The following ADGRB3 variants were observed in gnomAD, a reference collection of about 807,000 sequenced individuals.
The protein encoded by ADGRB3 is adhesion G protein-coupled receptor B3, also known as brain-specific angiogenesis inhibitor 3.
In ADGRB3, 37 loss-of-function variants were observed where a neutral mutation model predicts 193.4. That is an observed-to-expected ratio of 0.19 (90% CI 0.15 to 0.25). ADGRB3 has a LOEUF of 0.25. Ranked by LOEUF, ADGRB3 falls within the 10% of genes least tolerant of loss-of-function variation. The pLI is 1.00. For synonymous variants in ADGRB3, 690 were observed against 644.2 expected (o/e 1.07, Z -1.08); for missense variants, 1,637 against 1,852.9 (o/e 0.88, Z 2.14).
chr6:69,049,752 A>G (rs1771340013), intron 15 of ADGRB3, among the ~76,000 whole-genome samples: 1 of 152,184 alleles, frequency 6.6e-6, no homozygotes, highest in African/African-American at 2.4e-5. Context: ...CTGGGAAAAC[A>G]TGGTATTGTT....
At chr6:68,663,684 A>G (rs773754503) in intron 3 of ADGRB3, among the ~76,000 whole-genome samples, 1 of 151,828 alleles carries the variant, frequency 6.6e-6, no homozygotes, top group African/African-American at 2.4e-5. Flanking sequence ...AGCTTTGAAT[A>G]GAAATAATTT....
At chr6:69,120,276 G>A (rs1773647390) in intron 17 of ADGRB3, among the ~76,000 whole-genome samples, 2 of 152,170 alleles carry the variant, frequency 1.3e-5, no homozygotes, top group African/African-American at 4.8e-5. Flanking sequence ...AGCATCACCT[G>A]GCAACTTGTT....
intron 3 of ADGRB3, among the ~76,000 whole-genome samples, chr6:68,822,205 G>A (rs912553389): frequency 6.6e-6 from 1 of 151,814 alleles, no homozygotes; most frequent in Non-Finnish European, 1.5e-5. Flanking sequence ...TCTCAAATAT[G>A]TTCCTACAAA....
intron 17 of ADGRB3, among the ~76,000 whole-genome samples, chr6:69,084,001 C>G (rs984870257): frequency 2.6e-5 from 4 of 152,004 alleles, no homozygotes; most frequent in African/African-American, 9.7e-5. Context: ...TCTCAAAGAC[C>G]TGACCTCAAG....
intron 26 of ADGRB3, among the ~76,000 whole-genome samples, chr6:69,344,886 T>G (rs1769051816): frequency 6.6e-6 from 1 of 152,114 alleles, no homozygotes; most frequent in Non-Finnish European, 1.5e-5. Flanking sequence ...GGGCATATGG[T>G]TTCCATGGAG....
chr6:69,199,107 G>A (rs1221491425), intron 17 of ADGRB3, among the ~76,000 whole-genome samples: 2 of 152,092 alleles, frequency 1.3e-5, no homozygotes, highest in Non-Finnish European at 2.9e-5. Context: ...CTATGGGTGT[G>A]GCAGTAAATA....
At chr6:68,944,074 G>A (rs1357306988) in intron 6 of ADGRB3, 80 bp downstream of exon 6, 10 of 1,409,304 alleles carry the variant, frequency 7.1e-6, no homozygotes, top group African/African-American at 1.4e-5. Context: ...AATATTAAGA[G>A]TACAACCTTC....
chr6:68,846,473 G>T (rs1277093297), intron 3 of ADGRB3, among the ~76,000 whole-genome samples: 1 of 152,328 alleles, frequency 6.6e-6, no homozygotes, highest in African/African-American at 2.4e-5. Context: ...AGGAAAAAAT[G>T]ATTTCATGGG....
intron 3 of ADGRB3, among the ~76,000 whole-genome samples, chr6:68,880,193 G>A (rs1765696417): frequency 6.6e-6 from 1 of 152,154 alleles, no homozygotes; most frequent in Admixed American, 6.5e-5. Flanking sequence ...CAGAGAACTG[G>A]CTGATGGCTT....
At chr6:68,724,090 T>A (rs1221656463) in intron 3 of ADGRB3, among the ~76,000 whole-genome samples, 1 of 150,502 alleles carries the variant, frequency 6.6e-6, no homozygotes, top group African/African-American at 2.5e-5. Flanking sequence ...AAAGTATACA[T>A]GAAATATTAA....
intron 12 of ADGRB3, among the ~76,000 whole-genome samples, chr6:69,016,067 T>C (rs576545460): frequency 6.6e-6 from 1 of 152,098 alleles, no homozygotes; most frequent in Non-Finnish European, 1.5e-5. Context: ...TATTTTGGAA[T>C]ATAGCCACAC....
At chr6:68,735,494 G>A (rs1474991501) in intron 3 of ADGRB3, among the ~76,000 whole-genome samples, 1 of 151,974 alleles carries the variant, frequency 6.6e-6, no homozygotes, top group Non-Finnish European at 1.5e-5. Context: ...AATTTATTAT[G>A]CAAGTATTTG....
chr6:69,368,480 C>T (rs1006129102), intron 29 of ADGRB3, among the ~76,000 whole-genome samples: 1 of 152,064 alleles, frequency 6.6e-6, no homozygotes, highest in Non-Finnish European at 1.5e-5. Flanking sequence ...GAGTCTCTCG[C>T]TTGACCAATT....
chr6:68,719,564 A>T (rs1014530021), intron 3 of ADGRB3, among the ~76,000 whole-genome samples: 2 of 151,772 alleles, frequency 1.3e-5, no homozygotes, highest in African/African-American at 4.8e-5. Flanking sequence ...ACAGTTACAC[A>T]TTGGAAAGAT....
chr6:68,704,008 A>G (rs962489896), intron 3 of ADGRB3, among the ~76,000 whole-genome samples: 1 of 152,202 alleles, frequency 6.6e-6, no homozygotes, highest in Non-Finnish European at 1.5e-5. Flanking sequence ...GGGCTTTAGC[A>G]TGAAGCTTAC....
chr6:69,230,696 T>C (rs1275262253), intron 17 of ADGRB3, among the ~76,000 whole-genome samples: 2 of 152,214 alleles, frequency 1.3e-5, no homozygotes, highest in East Asian at 1.9e-4. Flanking sequence ...CAGAATGATA[T>C]CACACATCTT....
At chr6:69,171,076 C>G (rs1261825400) in intron 17 of ADGRB3, among the ~76,000 whole-genome samples, 1 of 152,082 alleles carries the variant, frequency 6.6e-6, no homozygotes, top group East Asian at 1.9e-4. Flanking sequence ...CCCAATATAT[C>G]TAAAATACTA....
At chr6:68,899,546 GT>G (rs1167290122) in intron 3 of ADGRB3, among the ~76,000 whole-genome samples, 1 of 149,264 alleles carries the variant, frequency 6.7e-6, no homozygotes. Flanking sequence ...GTGGTGTTTG[GT>G]TTTTTGTTCT....
Position 69,153,753 on chromosome 6 carries a change from G to A in ADGRB3, c.2480+77715G>A, listed in dbSNP as rs184609124. Among the ~76,000 whole-genome samples the A allele has an allele frequency of 9.9e-3, 1,514 of 152,224 alleles. 27 individuals carry two copies. Among genetic ancestry groups the A allele is most frequent in the African/African-American group, 0.035 (1,447 of 41,540 alleles). On this transcript the variant is annotated intron_variant, in intron 17 of 31. Coordinates refer to ENST00000370598, the MANE Select transcript of ADGRB3 (RefSeq NM_001704.3). ...AGTAACCTGTAATCCCAGCACTTTG[G>A]GAGGCCAAGGCGGGCGGATCACGAG...
Sources: allele counts gnomAD v4.1 joint callset (sites outside exome capture counted in the v4.1 genomes callset), GRCh38; gene constraint gnomAD v4.1.1; transcripts MANE v1.5; gene names NCBI Gene and HGNC (gene_info 2026-07-23, HGNC 2026-07-21).